Variants in RYR3 observed in about 807,000 individuals in gnomAD.
RYR3 encodes the protein brain ryanodine receptor-calcium release channel.
In RYR3, 207 loss-of-function variants were observed where a neutral mutation model predicts 584.3. The observed-to-expected ratio is 0.35, with a 90% CI of 0.32 to 0.40. The LOEUF (loss-of-function observed/expected upper bound fraction) is 0.40. Among genes scored for constraint, RYR3 ranks in the 10% least tolerant of loss-of-function variants. The probability of loss-of-function intolerance (pLI) is 1.00; values close to 1 mark genes in which losing one functional copy is unlikely to be tolerated. For synonymous variants in RYR3, 2,416 were observed against 2,248.5 expected (o/e 1.07, Z -2.11); for missense variants, 5,616 against 6,089.2 (o/e 0.92, Z 2.59).
In RYR3 at chr15:33,729,031, G is replaced by A; in HGVS notation, c.7203+5G>A. On this transcript the variant is annotated splice_donor_5th_base_variant and intron_variant, in intron 47 of 103. Coordinates refer to ENST00000634891, the MANE Select transcript of RYR3 (RefSeq NM_001036.6). The stretch of plus-strand genomic sequence containing the variant: ...GCTTCTGCCTCTCTAGATACAGTAA[G>A]TTGCAAAAATAACAAAAAATTATTG... 1 of 1,608,504 alleles carries A rather than the reference G, an allele frequency of 6.2e-7. No homozygotes were observed. The highest frequency in any genetic ancestry group is 8.5e-7 in the Non-Finnish European group (1 of 1,178,298).
chr15:33,564,799 A>C lies in RYR3; in HGVS notation c.1146+1789A>C, dbSNP rs2152487409. ...GCCCGCAGATTCATTTAACTGTTAG[A>C]ATGTATGTGTGAATTTGGGAGGTGC... On this transcript the variant is annotated intron_variant, in intron 11 of 103. Coordinates refer to ENST00000634891, the MANE Select transcript of RYR3 (RefSeq NM_001036.6). Among the ~76,000 whole-genome samples, 2 of 152,266 alleles carry C rather than the reference A, an allele frequency of 1.3e-5. 1 individual carries two copies. The highest frequency in any genetic ancestry group is 6.8e-3 in the Middle Eastern group (2 of 294).
At chr15:33,719,040 T>A (rs898891402) in intron 43 of RYR3, among the ~76,000 whole-genome samples, 2 of 152,196 alleles carry the variant, frequency 1.3e-5, no homozygotes, top group African/African-American at 4.8e-5. Context: ...GAGCTACAGG[T>A]AATTAGGAAG....
rs561603605 is a variant in RYR3, at chr15:33,572,183, A to G, written c.1268+5384A>G. The stretch of plus-strand genomic sequence containing the variant: ...AATTATTTTATGAAGTTGTTTTTTG[A>G]ATAAATTACAGGAACATAAAAGAAA... On this transcript the variant is annotated intron_variant, in intron 12 of 103. Coordinates refer to ENST00000634891, the MANE Select transcript of RYR3 (RefSeq NM_001036.6). Among the ~76,000 whole-genome samples, 33 of 152,290 alleles carry G rather than the reference A, an allele frequency of 2.2e-4. 1 individual carries two copies. In the East Asian group the frequency reaches 5.8e-3, roughly 27 times the overall value.
intron 1 of RYR3, among the ~76,000 whole-genome samples, chr15:33,356,108 G>A (rs748991844): frequency 6.6e-6 from 1 of 152,090 alleles, no homozygotes; most frequent in Non-Finnish European, 1.5e-5. Context: ...CATACGATGA[G>A]GTTCCATGAA....
intron 68 of RYR3, among the ~76,000 whole-genome samples, chr15:33,801,380 G>A (rs961220808): frequency 1.3e-5 from 2 of 152,144 alleles, no homozygotes; most frequent in Middle Eastern, 3.2e-3. Flanking sequence ...TTTAAAAGGT[G>A]CTAGACTCTC....
chr15:33,523,317 G>A (rs1212698786), intron 3 of RYR3, among the ~76,000 whole-genome samples: 1 of 152,272 alleles, frequency 6.6e-6, no homozygotes, highest in South Asian at 2.1e-4. Context: ...GCTTTTCACG[G>A]TAAATCTTGC....
intron 70 of RYR3, among the ~76,000 whole-genome samples, chr15:33,808,319 G>A (rs1223586758): frequency 2.0e-5 from 3 of 152,180 alleles, no homozygotes; most frequent in Non-Finnish European, 4.4e-5. Context: ...AAACTGACTG[G>A]TTTCAGGGGT....
At chr15:33,338,076 C>G (rs1567051406) in intron 1 of RYR3, among the ~76,000 whole-genome samples, 1 of 151,466 alleles carries the variant, frequency 6.6e-6, no homozygotes, top group Admixed American at 6.6e-5. Flanking sequence ...TCCCGAGTAG[C>G]TGGGACTGCA....
At chr15:33,707,444 T>G (rs1020442297) in intron 43 of RYR3, among the ~76,000 whole-genome samples, 1 of 152,166 alleles carries the variant, frequency 6.6e-6, no homozygotes, top group African/African-American at 2.4e-5. Context: ...GATGGATGAA[T>G]GAATAAAATC....
chr15:33,441,056 G>A (rs2046190810), intron 1 of RYR3, among the ~76,000 whole-genome samples: 1 of 152,182 alleles, frequency 6.6e-6, no homozygotes, highest in Admixed American at 6.5e-5. Context: ...CAGCTGAATG[G>A]TTTCTGTCAT....
chr15:33,543,760 A>G, intron 8 of RYR3, 45 bp downstream of exon 8: 1 of 1,209,890 alleles, frequency 8.3e-7, no homozygotes, highest in South Asian at 1.2e-5. Context: ...TCCAGTCTCA[A>G]ATGACTCAAA....
intron 67 of RYR3, among the ~76,000 whole-genome samples, chr15:33,790,092 C>T (rs540150322): frequency 2.2e-4 from 32 of 147,986 alleles, no homozygotes; most frequent in African/African-American, 6.8e-4. Flanking sequence ...CCCAGGTTCA[C>T]GCCATTCTCC....
intron 1 of RYR3, among the ~76,000 whole-genome samples, chr15:33,456,057 TC>T (rs1363536149): frequency 2.0e-5 from 3 of 152,208 alleles, no homozygotes; most frequent in Non-Finnish European, 4.4e-5. Flanking sequence ...ATAACTGTAA[TC>T]TAATCTTGAA....
chr15:33,596,138 T>C (rs607247), intron 16 of RYR3, among the ~76,000 whole-genome samples: 67,018 of 151,418 alleles, frequency 0.44, 15,356 homozygotes, highest in East Asian at 0.79. Flanking sequence ...TGGTTCCTTT[T>C]ACCTTGTTGT....
At chr15:33,746,356 T>A (rs2070716175) in intron 53 of RYR3, among the ~76,000 whole-genome samples, 199 bp downstream of exon 53, 1 of 152,254 alleles carries the variant, frequency 6.6e-6, no homozygotes, top group African/African-American at 2.4e-5. Flanking sequence ...CTTTCTGTTC[T>A]TTGGCTTTGA....
chr15:33,424,842 G>A (rs1049914847), intron 1 of RYR3, among the ~76,000 whole-genome samples: 1 of 152,194 alleles, frequency 6.6e-6, no homozygotes, highest in Admixed American at 6.5e-5. Context: ...GCCGGGCATG[G>A]TGGTGTGTGC....
In RYR3 at chr15:33,725,194, C is replaced by CACACATATAT. The variant is rs2068286037; in HGVS notation, c.6912+1023_6912+1024insTATATACACA. ...ACACACACACACACACACACACACA[C>CACACATATAT]ACACACACATATATACATCCCTTCT... is the stretch of plus-strand genomic sequence containing the variant. On this transcript the variant is annotated intron_variant, in intron 45 of 103. Transcript: ENST00000634891. 9.1e-5 allele frequency among the ~76,000 whole-genome samples: 12 copies of CACACATATAT among 131,634 alleles called. No homozygotes were observed. In the South Asian group the frequency reaches 2.8e-3, roughly 31 times the overall value. 86.4% of individuals were successfully genotyped at this position (131,634 alleles called of 152,430 possible).
At chr15:33,775,652 G>A (rs931674925) in intron 64 of RYR3, among the ~76,000 whole-genome samples, 3 of 152,092 alleles carry the variant, frequency 2.0e-5, no homozygotes, top group Non-Finnish European at 2.9e-5. Flanking sequence ...TACTTCTTTC[G>A]CTTTGCCTGA....
At chr15:33,627,243 C>T (rs1030167714) in intron 20 of RYR3, among the ~76,000 whole-genome samples, 5 of 152,132 alleles carry the variant, frequency 3.3e-5, no homozygotes, top group Non-Finnish European at 5.9e-5. Flanking sequence ...TATGAAGTCT[C>T]CCATTTCTTA....
Sources: allele counts gnomAD v4.1 joint callset (sites outside exome capture counted in the v4.1 genomes callset), GRCh38; gene constraint gnomAD v4.1.1; transcripts MANE v1.5; gene names NCBI Gene and HGNC (gene_info 2026-07-23, HGNC 2026-07-21).